SAXO1: variants seen among roughly 807,000 people sequenced by gnomAD.
SAXO1 encodes 4930500O09Rik.
Under a neutral mutation model 17.5 loss-of-function variants are expected in SAXO1, and 21 were observed. The observed-to-expected ratio is 1.20, with a 90% CI of 0.85 to 1.72. SAXO1 has a LOEUF of 1.72. Ranked by LOEUF, SAXO1 falls within the 40% of genes most tolerant of loss-of-function variation. The pLI, the probability that SAXO1 is intolerant of heterozygous loss-of-function variation, is 0.00. For synonymous variants in SAXO1, 274 were observed against 216.5 expected, an observed-to-expected ratio of 1.27 and a Z score of -2.33; for missense variants, 843 against 596.0, an observed-to-expected ratio of 1.41 and a Z score of -4.32.
rs1254410463 is a variant in SAXO1, at chr9:18,938,810, A to ATGCG, written c.421+2823_421+2826dup. The stretch of plus-strand genomic sequence containing the variant: ...GTACTGCTGGGGTGTGGTGGGGTGC[A>ATGCG]TGCGTGCGTGCGTGTGTGTGTGTGT... On this transcript the variant is annotated intron_variant, in intron 3 of 3. Coordinates refer to ENST00000380534, the MANE Select transcript of SAXO1 (RefSeq NM_153707.4). Among the ~76,000 whole-genome samples the ATGCG allele has an allele frequency of 3.2e-4, 35 of 107,990 alleles. 1 individual carries two copies. Among genetic ancestry groups the ATGCG allele is most frequent in the African/African-American group, 1.2e-3 (34 of 28,496 alleles). 70.8% of individuals were successfully genotyped at this position (107,990 alleles called of 152,430 possible). A position where few individuals can be genotyped will look rare whatever the true frequency, so the allele number is the denominator to read the frequency against.
intron 1 of SAXO1, among the ~76,000 whole-genome samples, chr9:18,975,597 A>G (rs76365230): frequency 0.016 from 2,387 of 152,330 alleles, 51 homozygotes; most frequent in African/African-American, 0.054. Context: ...TCAATTGATC[A>G]AAGGATAAAC....
intron 1 of SAXO1, among the ~76,000 whole-genome samples, chr9:19,041,405 A>G (rs1836076473): frequency 6.6e-6 from 1 of 152,208 alleles, no homozygotes; most frequent in Admixed American, 6.5e-5. Context: ...AATCCTTATG[A>G]AAGTACCAAT....
rs1044120093 is a variant in SAXO1, at chr9:19,005,173, T to C, written c.38+27698A>G. On this transcript the variant is annotated intron_variant, in intron 1 of 3. Coordinates refer to ENST00000380534, the MANE Select transcript of SAXO1 (RefSeq NM_153707.4). The stretch of plus-strand genomic sequence containing the variant: ...GGATAGACACCCCATGTTGATGGAC[T>C]GGAAGTCTTAATACTGTTAAAATGA... 5.3e-5 allele frequency among the ~76,000 whole-genome samples: 8 copies of C among 152,338 alleles called. No individual in the cohort carries two copies. The South Asian group carries it at 1.0e-3, about 20-fold the overall frequency.
At chr9:18,991,663 T>A (rs574248810) in intron 1 of SAXO1, among the ~76,000 whole-genome samples, 57 of 152,290 alleles carry the variant, frequency 3.7e-4, no homozygotes, top group African/African-American at 1.3e-3. Flanking sequence ...CATGTATACC[T>A]ATGTACCAAA....
At chr9:19,025,433 TC>T (rs1835434950) in intron 1 of SAXO1, among the ~76,000 whole-genome samples, 1 of 152,202 alleles carries the variant, frequency 6.6e-6, no homozygotes, top group African/African-American at 2.4e-5. Flanking sequence ...TAAGGAAATT[TC>T]CATCGATATG....
intron 1 of SAXO1, among the ~76,000 whole-genome samples, chr9:19,003,998 A>C (rs1001991417): frequency 6.6e-6 from 1 of 152,204 alleles, no homozygotes; most frequent in African/African-American, 2.4e-5. Context: ...CCATCTAACA[A>C]AGGACTTATA....
chr9:18,974,210 A>C (rs1288690356), intron 1 of SAXO1, among the ~76,000 whole-genome samples: 1 of 152,222 alleles, frequency 6.6e-6, no homozygotes, highest in African/African-American at 2.4e-5. Flanking sequence ...CTTATCCTCA[A>C]AATCTACTTC....
rs1332807751 is a variant in SAXO1, at chr9:18,928,957, G to GGTGTGTGGT, written c.511_519dup (p.Thr171_His173dup). The GGTGTGTGGT allele has an allele frequency of 6.2e-7, 1 of 1,614,068 alleles. No homozygotes were observed. The highest frequency in any genetic ancestry group is 1.3e-5 in the African/African-American group (1 of 74,904). On this transcript the variant is annotated inframe_insertion, in exon 4 of 4. Coordinates refer to ENST00000380534, the MANE Select transcript of SAXO1 (RefSeq NM_153707.4). ...AGGCCTTTTATGGGGTAATCGTCCTGGTGTGTGGTTCTGTTATCAAACCTG... is the reference window on the plus strand; with the variant it reads ...AGGCCTTTTATGGGGTAATCGTCCTGGTGTGTGGTGTGTGTGGTTCTGTTATCAAACCTG...
At chr9:18,967,358 C>A (rs898223993) in intron 1 of SAXO1, among the ~76,000 whole-genome samples, 4 of 152,042 alleles carry the variant, frequency 2.6e-5, no homozygotes, top group Non-Finnish European at 5.9e-5. Flanking sequence ...CCACCCCTTC[C>A]CCCAGGTGCT....
At chr9:19,025,594 G>A (rs1042674991) in intron 1 of SAXO1, among the ~76,000 whole-genome samples, 1 of 152,102 alleles carries the variant, frequency 6.6e-6, no homozygotes, top group African/African-American at 2.4e-5. Flanking sequence ...CAATTTTTGA[G>A]TCCTCTATGG....
chr9:19,008,831 G>A (rs1214000459), intron 1 of SAXO1, among the ~76,000 whole-genome samples: 2 of 152,174 alleles, frequency 1.3e-5, no homozygotes, highest in Non-Finnish European at 2.9e-5. Context: ...AGGTCCAGGA[G>A]CAACTGTGTC....
chr9:18,964,249 C>G (rs1338740920), intron 1 of SAXO1, among the ~76,000 whole-genome samples: 1 of 152,160 alleles, frequency 6.6e-6, no homozygotes, highest in Non-Finnish European at 1.5e-5. Context: ...TGTTGTGTCT[C>G]TGCCAGATTT....
At chr9:19,022,879 T>C (rs1035203289) in intron 1 of SAXO1, among the ~76,000 whole-genome samples, 2 of 152,164 alleles carry the variant, frequency 1.3e-5, no homozygotes, top group Admixed American at 1.3e-4. Flanking sequence ...AACAGAATAG[T>C]AGGGTATGCT....
intron 3 of SAXO1, among the ~76,000 whole-genome samples, chr9:18,929,755 G>A (rs916894532): frequency 6.6e-6 from 1 of 152,162 alleles, no homozygotes; most frequent in African/African-American, 2.4e-5. Context: ...TTTTATAGAT[G>A]CAGAAACAGA....
intron 1 of SAXO1, among the ~76,000 whole-genome samples, chr9:18,975,228 TGCAGGCTGGGGAAGCA>T: frequency 9.8e-5 from 1 of 10,248 alleles, no homozygotes; most frequent in Admixed American, 7.3e-4. Context: ...GCAGGGAGAG[TGCAGGCTGGGGAAGCA>T]GGGAGAGTGC....
At position 19,019,938 on chromosome 9, in the gene SAXO1, T is replaced by TCC. The variant is rs528410943; in HGVS notation, c.38+12931_38+12932dup. 1.7e-4 allele frequency among the ~76,000 whole-genome samples: 26 copies of TCC among 151,860 alleles called. No homozygotes were observed. The Middle Eastern group carries it at 0.014, about 79-fold the overall frequency. On this transcript the variant is annotated intron_variant, in intron 1 of 3. Coordinates refer to ENST00000380534, the MANE Select transcript of SAXO1 (RefSeq NM_153707.4). ...AATACTACGTTATTATCCATCTATC[T>TCC]CCTGCTGTTGTCAAGTTCAAGTTTT...
At position 19,019,685 on chromosome 9, in the gene SAXO1, G is replaced by A. The variant is rs563531855; in HGVS notation, c.38+13186C>T. On this transcript the variant is annotated intron_variant, in intron 1 of 3. Coordinates refer to ENST00000380534, the MANE Select transcript of SAXO1 (RefSeq NM_153707.4). ...GCAGAGGTTGCAATGAGCCCAGACG[G>A]CACCACTGCACCCCAGCCTCGGCGA... Among the ~76,000 whole-genome samples the A allele has an allele frequency of 1.1e-3, 164 of 152,108 alleles. 2 individuals carry two copies. In the Middle Eastern group the frequency reaches 0.014, roughly 13 times the overall value.
At chr9:19,011,994 G>C (rs7048782) in intron 1 of SAXO1, among the ~76,000 whole-genome samples, 83,770 of 151,240 alleles carry the variant, frequency 0.55, 23,701 homozygotes, top group Non-Finnish European at 0.63. Context: ...TACAGGCGCA[G>C]GTCACCATGC....
Position 18,950,918 on chromosome 9 carries a change from G to T in SAXO1, c.58C>A (p.Leu20Ile). The change falls in exon 2 of 4, where the codon CTC (leucine) becomes ATC (isoleucine). Residue 20 changes from leucine to isoleucine, a missense_variant. Coordinates refer to ENST00000380534, the MANE Select transcript of SAXO1 (RefSeq NM_153707.4). ...GTTTTATCATAAATCTTGGTAGGGA[G>T]ATGTGGACAGTGATGCCGCCTATAA... is the stretch of plus-strand genomic sequence containing the variant. ...CSCGRHHCPH[L>I]PTKIYDKTEK... 6.2e-7 allele frequency: 1 copy of T among 1,612,784 alleles called. No homozygotes were observed. The highest frequency in any genetic ancestry group is 1.1e-5 in the South Asian group (1 of 90,980).
Sources: allele counts gnomAD v4.1 joint callset (sites outside exome capture counted in the v4.1 genomes callset), GRCh38; gene constraint gnomAD v4.1.1; transcripts MANE v1.5; gene names NCBI Gene and HGNC (gene_info 2026-07-23, HGNC 2026-07-21).